Variants in AATF observed in about 807,000 individuals in gnomAD.
The protein encoded by AATF is protein AATF.
A neutral mutation model predicts 63.7 loss-of-function variants in AATF; 48 were observed. That is an observed-to-expected ratio of 0.75 (90% CI 0.60 to 0.96). AATF has a LOEUF of 0.96. AATF is among the 40% of genes least tolerant of loss of function. AATF has a pLI of 0.00. For synonymous variants in AATF, 258 were observed against 247.7 expected (o/e 1.04, Z -0.39); for missense variants, 639 against 685.7 (o/e 0.93, Z 0.76).
intron 4 of AATF, among the ~76,000 whole-genome samples, chr17:36,967,504 C>T (rs1231730909): frequency 6.6e-6 from 1 of 152,134 alleles, no homozygotes; most frequent in African/African-American, 2.4e-5. Flanking sequence ...TAAGTCTCTC[C>T]CAGAGCTTTT....
chr17:37,049,495 C>T (rs971429778), intron 11 of AATF, among the ~76,000 whole-genome samples: 2 of 151,834 alleles, frequency 1.3e-5, no homozygotes, highest in African/African-American at 2.4e-5. Context: ...GTCCCAGGTA[C>T]TCGGGAAGCT....
chr17:37,015,977 G>T (rs1326226169), intron 8 of AATF, among the ~76,000 whole-genome samples: 1 of 152,220 alleles, frequency 6.6e-6, no homozygotes, highest in Non-Finnish European at 1.5e-5. Context: ...ACTTGGCTGT[G>T]TGGGATAATG....
chr17:36,978,377 G>T (rs927769973), intron 4 of AATF, among the ~76,000 whole-genome samples: 1 of 152,084 alleles, frequency 6.6e-6, no homozygotes, highest in Non-Finnish European at 1.5e-5. Flanking sequence ...CTATCAAGTT[G>T]TTTCCTCCAT....
At position 37,044,544 on chromosome 17, in the gene AATF, A is replaced by G. The variant is rs574751709; in HGVS notation, c.1620-12057A>G. 3.3e-5 allele frequency among the ~76,000 whole-genome samples: 5 copies of G among 152,238 alleles called. No homozygotes were observed. The East Asian group carries it at 7.7e-4, about 23-fold the overall frequency. Reference sequence around the variant, plus strand: ...TATACACTATAGGTTTTCTCCTGCTATATACTATATACTATAGGTTTCTCC... The same window carrying G: ...TATACACTATAGGTTTTCTCCTGCTGTATACTATATACTATAGGTTTCTCC... On this transcript the variant is annotated intron_variant, in intron 11 of 11. Coordinates refer to ENST00000619387, the MANE Select transcript of AATF (RefSeq NM_012138.4).
intron 4 of AATF, among the ~76,000 whole-genome samples, chr17:36,957,415 G>A (rs2070910690): frequency 6.6e-6 from 1 of 152,216 alleles, no homozygotes; most frequent in Non-Finnish European, 1.5e-5. Context: ...ATAGTTATCA[G>A]TGTAACTGAG....
At chr17:36,973,964 G>A (rs2071060090) in intron 4 of AATF, among the ~76,000 whole-genome samples, 2 of 152,128 alleles carry the variant, frequency 1.3e-5, no homozygotes, top group East Asian at 1.9e-4. Flanking sequence ...CCTGCCTCGG[G>A]AGGCTGAGGC....
chr17:36,988,718 A>G lies in AATF; in HGVS notation c.1147A>G (p.Lys383Glu), dbSNP rs775807638. Residue 383 changes from lysine to glutamate, a missense_variant and splice_region_variant, in exon 6 of 12, where the codon AAG becomes GAG. Coordinates refer to ENST00000619387, the MANE Select transcript of AATF (RefSeq NM_012138.4). ...KTKLASGKLGKGFGAFERSIL... is the reference protein window; with the variant it reads ...KTKLASGKLGEGFGAFERSIL... ...CAAACTGGCTTCTGGAAAACTGGGG[A>G]AGGCAAGTGTGTGTATGCGCGCATG... is the stretch of plus-strand genomic sequence containing the variant. 18 of 1,613,598 alleles carry G rather than the reference A, an allele frequency of 1.1e-5. No homozygotes were observed. In the African/African-American group the frequency reaches 2.3e-4, roughly 20 times the overall value.
At chr17:37,038,011 G>A (rs2071606935) in intron 11 of AATF, among the ~76,000 whole-genome samples, 1 of 152,168 alleles carries the variant, frequency 6.6e-6, no homozygotes, top group Admixed American at 6.5e-5. Flanking sequence ...ATCAGAAGCT[G>A]GACAGATGCC....
At chr17:37,013,404 A>G (rs186117555) in intron 8 of AATF, among the ~76,000 whole-genome samples, 1 of 152,318 alleles carries the variant, frequency 6.6e-6, no homozygotes, top group African/African-American at 2.4e-5. Context: ...TTTGAGGAAG[A>G]AAGGTTTCTT....
intron 10 of AATF, among the ~76,000 whole-genome samples, chr17:37,028,672 G>A (rs2071528801): frequency 6.6e-6 from 1 of 152,084 alleles, no homozygotes; most frequent in South Asian, 2.1e-4. Flanking sequence ...TGTAGTTCCA[G>A]CTACTCAGGA....
chr17:37,001,410 A>AGGAT (rs2071294666), intron 8 of AATF, among the ~76,000 whole-genome samples: 1 of 82,154 alleles, frequency 1.2e-5, no homozygotes, highest in African/African-American at 1.1e-4. Context: ...GGAGGGAGGA[A>AGGAT]GGAAGGAAGG....
chr17:37,031,490 T>TA, intron 10 of AATF, 124 bp from the exon 11 acceptor site: 1 of 799,064 alleles, frequency 1.3e-6, no homozygotes, highest in Non-Finnish European at 2.2e-6. Flanking sequence ...AATTTTTCCC[T>TA]ATCCCACTTT....
chr17:36,970,202 C>G (rs2142223724), intron 4 of AATF, among the ~76,000 whole-genome samples: 1 of 152,248 alleles, frequency 6.6e-6, no homozygotes, highest in South Asian at 2.1e-4. Flanking sequence ...AGCTATTTTC[C>G]AAAGTGGTTA....
At chr17:36,953,475 A>G (rs1285649778) in intron 3 of AATF, among the ~76,000 whole-genome samples, 179 bp downstream of exon 3, 4 of 152,204 alleles carry the variant, frequency 2.6e-5, no homozygotes, top group South Asian at 4.1e-4. Context: ...CCATTTCTGC[A>G]CTGATCTGCT....
intron 11 of AATF, among the ~76,000 whole-genome samples, chr17:37,035,905 TA>T (rs2071588256): frequency 6.6e-6 from 1 of 152,188 alleles, no homozygotes; most frequent in African/African-American, 2.4e-5. Context: ...ATAATCACAG[TA>T]AAATCATTCA....
chr17:37,056,563 A>AC lies in AATF; in HGVS notation c.1620-36dup, dbSNP rs144140770. On this transcript the variant is annotated intron_variant, in intron 11 of 11. Transcript: ENST00000619387. Reference sequence around the variant, plus strand: ...GTTCCTTTTTAACCTTGAATAGTGAACCAGTGTGTTAACCAGTTTGCTGTG... The same window carrying AC: ...GTTCCTTTTTAACCTTGAATAGTGAACCCAGTGTGTTAACCAGTTTGCTGTG... 1,313 of 1,607,276 alleles carry AC rather than the reference A, an allele frequency of 8.2e-4. 8 individuals are homozygous for AC. In the African/African-American group the frequency reaches 0.016, roughly 19 times the overall value.
intron 4 of AATF, among the ~76,000 whole-genome samples, chr17:36,967,295 C>A (rs1315032477): frequency 6.6e-6 from 1 of 152,122 alleles, no homozygotes; most frequent in African/African-American, 2.4e-5. Flanking sequence ...TGTCTGTAAA[C>A]ACTTTTCACA....
In AATF at chr17:37,004,674, A is replaced by G. The variant is rs553138442; in HGVS notation, c.1398+13817A>G. 4.0e-4 allele frequency among the ~76,000 whole-genome samples: 61 copies of G among 152,180 alleles called. No homozygotes were observed. In the South Asian group the frequency reaches 0.012, roughly 31 times the overall value. ...GAGTGCTTCTATGTTATTTTATGGTATTTCTTATGAATGAAGGAGCCGAGA... is the reference window on the plus strand; with the variant it reads ...GAGTGCTTCTATGTTATTTTATGGTGTTTCTTATGAATGAAGGAGCCGAGA... On this transcript the variant is annotated intron_variant, in intron 8 of 11. Coordinates refer to ENST00000619387, the MANE Select transcript of AATF (RefSeq NM_012138.4).
Position 37,014,267 on chromosome 17 carries a change from G to GTAATAATAATAA in AATF, c.1399-4713_1399-4702dup, listed in dbSNP as rs71368437. On this transcript the variant is annotated intron_variant, in intron 8 of 11. Transcript: ENST00000619387. ...TGGGTGACAGAGCAAGACTGTCTTA[G>GTAATAATAATAA]TAATAATAATAATAATAATAATAAT... Among the ~76,000 whole-genome samples the GTAATAATAATAA allele has an allele frequency of 4.3e-3, 621 of 145,074 alleles. 3 individuals carry two copies. The highest frequency in any genetic ancestry group is 0.015 in the African/African-American group (565 of 38,632).
Sources: allele counts gnomAD v4.1 joint callset (sites outside exome capture counted in the v4.1 genomes callset), GRCh38; gene constraint gnomAD v4.1.1; transcripts MANE v1.5; gene names NCBI Gene and HGNC (gene_info 2026-07-23, HGNC 2026-07-21).